Variants in RBM17 observed in about 807,000 individuals in gnomAD.
RBM17 encodes the protein splicing factor 45.
A neutral mutation model predicts 53.2 loss-of-function variants in RBM17; 7 were observed. The observed-to-expected ratio is 0.13, with a 90% CI of 0.07 to 0.25. The LOEUF is 0.25. RBM17 is among the 10% of genes least tolerant of loss of function. The pLI, the probability that RBM17 is intolerant of heterozygous loss-of-function variation, is 1.00. For missense variants in RBM17, 257 were observed against 496.7 expected, an observed-to-expected ratio of 0.52 and a Z score of 4.59; for synonymous variants, 167 against 178.1, an observed-to-expected ratio of 0.94 and a Z score of 0.50.
chr10:6,112,525 T>A lies in RBM17; in HGVS notation c.856+164T>A. ...ACTAGAACACAGGCCGTCCTGTTCA[T>A]ATGATGCACTGCCACTTCCGTTTTG... is the stretch of plus-strand genomic sequence containing the variant. On this transcript the variant is annotated intron_variant, in intron 8 of 11. Transcript: ENST00000379888. The surrounding 1 kb of genome is among the most constrained non-coding windows in gnomAD (Gnocchi z 4.4). The A allele has an allele frequency of 1.3e-6, 1 of 748,996 alleles. No individual in the cohort carries two copies. Among genetic ancestry groups the A allele is most frequent in the East Asian group, 2.7e-5 (1 of 36,632 alleles). 46.4% of individuals were successfully genotyped at this position (748,996 alleles called of 1,614,324 possible). A position where few individuals can be genotyped will look rare whatever the true frequency, so the allele number is the denominator to read the frequency against.
At chr10:6,097,384 G>T (rs996072331) in intron 2 of RBM17, among the ~76,000 whole-genome samples, 196 bp downstream of exon 2, 3 of 152,226 alleles carry the variant, frequency 2.0e-5, no homozygotes, top group Non-Finnish European at 2.9e-5. Flanking sequence ...ACATTTCGTG[G>T]GGTAGGAATG....
At chr10:6,109,054 C>G (rs951270028) in intron 6 of RBM17, among the ~76,000 whole-genome samples, 1 of 150,824 alleles carries the variant, frequency 6.6e-6, no homozygotes, top group African/African-American at 2.4e-5. Flanking sequence ...AACAGCAGAT[C>G]GTTACAGTTT....
chr10:6,112,010 A>C lies in RBM17; in HGVS notation c.705-200A>C, dbSNP rs115265755. On this transcript the variant is annotated intron_variant, in intron 7 of 11. Coordinates refer to ENST00000379888, the MANE Select transcript of RBM17 (RefSeq NM_032905.5). The surrounding 1 kb of genome is among the most constrained non-coding windows in gnomAD (Gnocchi z 4.4). ...CAACAGGATGTTCTGGATTTTATTC[A>C]TAGCTTTTTCTATTTCTTTCATGCT... 1.9e-3 allele frequency among the ~76,000 whole-genome samples: 292 copies of C among 152,218 alleles called. 1 individual carries two copies. The highest frequency in any genetic ancestry group is 6.8e-3 in the African/African-American group (284 of 41,540).
chr10:6,096,971 T>G, intron 1 of RBM17, 77 bp from the exon 2 acceptor site: 1 of 1,425,324 alleles, frequency 7.0e-7, no homozygotes, highest in African/African-American at 1.4e-5. Context: ...CCTCTAAAAT[T>G]TCATGATACT....
intron 1 of RBM17, among the ~76,000 whole-genome samples, chr10:6,093,470 C>T (rs894003027): frequency 4.6e-5 from 7 of 152,268 alleles, no homozygotes; most frequent in African/African-American, 1.7e-4. Context: ...CCGCCCGCCT[C>T]GGTCTCCCAA....
At chr10:6,108,215 TACTCCCTTTCTGTTGATTC>T (rs1430008877) in intron 5 of RBM17, among the ~76,000 whole-genome samples, 1 of 152,222 alleles carries the variant, frequency 6.6e-6, no homozygotes, top group Non-Finnish European at 1.5e-5. Context: ...GAGCTGGGTT[TACTCCCTTTCTGTTGATTC>T]ACTCCCCTCT....
intron 7 of RBM17, among the ~76,000 whole-genome samples, chr10:6,111,810 A>G (rs942868875): frequency 6.6e-6 from 1 of 152,148 alleles, no homozygotes; most frequent in Non-Finnish European, 1.5e-5. Context: ...ATTTAGGAAA[A>G]TGGGATCATC....
intron 2 of RBM17, among the ~76,000 whole-genome samples, chr10:6,098,409 C>T (rs938565312): frequency 6.6e-6 from 1 of 152,016 alleles, no homozygotes; most frequent in Non-Finnish European, 1.5e-5. Context: ...GGATTTACTT[C>T]TAAACAATTC....
At chr10:6,102,939 A>G (rs1213676150) in intron 3 of RBM17, among the ~76,000 whole-genome samples, 1 of 152,194 alleles carries the variant, frequency 6.6e-6, no homozygotes, top group Non-Finnish European at 1.5e-5. Context: ...AGTTAGGACC[A>G]CAGGCATATG....
At chr10:6,093,474 C>A (rs1211603426) in intron 1 of RBM17, among the ~76,000 whole-genome samples, 1 of 152,212 alleles carries the variant, frequency 6.6e-6, no homozygotes, top group African/African-American at 2.4e-5. Flanking sequence ...CCGCCTCGGT[C>A]TCCCAAAGTG....
chr10:6,097,434 C>T (rs12252274), intron 2 of RBM17, among the ~76,000 whole-genome samples: 5,946 of 152,290 alleles, frequency 0.039, 217 homozygotes, highest in African/African-American at 0.098. Context: ...CGCAGTGGCT[C>T]ACGCCTGTAA....
At chr10:6,100,189 A>G (rs1412408225) in intron 2 of RBM17, among the ~76,000 whole-genome samples, 2 of 152,242 alleles carry the variant, frequency 1.3e-5, no homozygotes, top group African/African-American at 4.8e-5. Flanking sequence ...TTCAAGAGAG[A>G]TGAAGGCTTA....
chr10:6,096,719 A>G (rs1026579916), intron 1 of RBM17, among the ~76,000 whole-genome samples: 11 of 152,176 alleles, frequency 7.2e-5, no homozygotes, highest in Non-Finnish European at 1.6e-4. Context: ...ACATAAATAG[A>G]ATTTTTTAAA....
rs1840901921 is a variant in RBM17, at chr10:6,115,600, G to A, written c.*44G>A. 2.5e-6 allele frequency: 3 copies of A among 1,220,296 alleles called. No individual in the cohort carries two copies. The highest frequency in any genetic ancestry group is 3.4e-5 in the Admixed American group (2 of 58,932). 75.6% of individuals were successfully genotyped at this position (1,220,296 alleles called of 1,614,324 possible). On this transcript the variant is annotated 3_prime_UTR_variant, in exon 12 of 12. Coordinates refer to ENST00000379888, the MANE Select transcript of RBM17 (RefSeq NM_032905.5). The stretch of plus-strand genomic sequence containing the variant: ...GAGTCATCTCCGGTGATCCTTAAAT[G>A]AACTGCAGGCTGAGAAAAGAAGGAA...
At chr10:6,110,866 C>T (rs1260147741) in intron 7 of RBM17, among the ~76,000 whole-genome samples, 1 of 152,024 alleles carries the variant, frequency 6.6e-6, no homozygotes, top group East Asian at 1.9e-4. Flanking sequence ...CAAGTGGTGA[C>T]GATGTTGGAT....
rs371082732 is a variant in RBM17 at position 6,110,607 on chromosome 10, C to T, written c.704+480C>T. 3.3e-4 allele frequency among the ~76,000 whole-genome samples: 50 copies of T among 152,254 alleles called. No individual in the cohort carries two copies. In the South Asian group the frequency reaches 5.6e-3, roughly 17 times the overall value. ...ATATAAAATTTGACTGTAAGGCTGA[C>T]GCTCAGGTGGGGCTTGGGGATTTTT... On this transcript the variant is annotated intron_variant, in intron 7 of 11. Transcript: ENST00000379888.
chr10:6,104,682 C>G (rs976932501), intron 3 of RBM17, among the ~76,000 whole-genome samples: 2 of 152,036 alleles, frequency 1.3e-5, no homozygotes, highest in Non-Finnish European at 2.9e-5. Flanking sequence ...TTAGGAATTC[C>G]AGGAAAAATG....
Position 6,101,381 on chromosome 10 carries a change from G to C in RBM17, c.234G>C (p.Gly78=). 1 of 1,609,090 alleles carries C rather than the reference G, an allele frequency of 6.2e-7. No individual in the cohort carries two copies. Among genetic ancestry groups the C allele is most frequent in the Non-Finnish European group, 8.5e-7 (1 of 1,176,938 alleles). The part of the protein sequence containing the change: ...IVDTPPHVAA[G]LKDPVPSGFS... ...ACACTCCACCGCATGTAGCAGCTGG[G>C]CTGAAGGTAAGCCCGCGCCTGCCTG... The change falls in exon 3 of 12, where the codon GGG becomes GGC. Residue 78 remains glycine (G), a synonymous_variant. Coordinates refer to ENST00000379888, the MANE Select transcript of RBM17 (RefSeq NM_032905.5).
intron 2 of RBM17, among the ~76,000 whole-genome samples, chr10:6,098,899 A>T (rs1840626484): frequency 6.6e-6 from 1 of 150,894 alleles, no homozygotes; most frequent in African/African-American, 2.4e-5. Flanking sequence ...TTTTCCCTTT[A>T]CCACATCAAT....
Sources: gnomAD v4.1 joint callset for allele counts (sites outside exome capture counted in the v4.1 genomes callset) on GRCh38, gnomAD v4.1.1 for gene constraint, Gnocchi (gnomAD v3.1) non-coding constraint, MANE v1.5 for transcripts, NCBI Gene and HGNC (gene_info 2026-07-23, HGNC 2026-07-21) for gene names.